Variants in NMU observed in about 807,000 individuals in gnomAD.
NMU encodes neuromedin U.
A neutral mutation model predicts 35.4 loss-of-function variants in NMU; 29 were observed. The ratio of observed to expected loss-of-function variants is 0.82; its 90% CI spans 0.61 to 1.12. The LOEUF (loss-of-function observed/expected upper bound fraction) is 1.12, where lower values mean the gene tolerates loss of function less well. NMU is among the 50% of genes most tolerant of loss of function. The probability of loss-of-function intolerance (pLI) is 0.00; values close to 1 mark genes in which losing one functional copy is unlikely to be tolerated. For missense variants in NMU, 199 were observed against 206.2 expected (o/e 0.97, Z 0.21); for synonymous variants, 78 against 81.3 (o/e 0.96, Z 0.22).
At chr4:55,628,481 C>CATT (rs111899620) in intron 2 of NMU, among the ~76,000 whole-genome samples, 277 of 150,328 alleles carry the variant, frequency 1.8e-3, no homozygotes, top group African/African-American at 2.8e-3. Flanking sequence ...TTATTTCTGC[C>CATT]ATTATTATTA....
intron 1 of NMU, among the ~76,000 whole-genome samples, chr4:55,630,762 A>C (rs1734721941): frequency 6.6e-6 from 1 of 152,192 alleles, no homozygotes; most frequent in South Asian, 2.1e-4. Flanking sequence ...TGCCCAAAGC[A>C]ATCTACAGAT....
intron 7 of NMU, among the ~76,000 whole-genome samples, chr4:55,602,427 A>G (rs1486231987): frequency 4.6e-5 from 7 of 152,178 alleles, no homozygotes; most frequent in Non-Finnish European, 7.3e-5. Flanking sequence ...GCTGCAAAAT[A>G]CCCTTAAGAT....
At chr4:55,596,678 C>A (rs12510341) in intron 9 of NMU, among the ~76,000 whole-genome samples, 1 of 152,108 alleles carries the variant, frequency 6.6e-6, no homozygotes, top group South Asian at 2.1e-4. Context: ...ACACAGTCTG[C>A]AAATTCAAGT....
chr4:55,599,066 G>C, intron 9 of NMU, 76 bp downstream of exon 9: 1 of 962,628 alleles, frequency 1.0e-6, no homozygotes, highest in Admixed American at 2.0e-5. Context: ...GAAAACAACA[G>C]CAAATGTCAA....
intron 3 of NMU, 137 bp downstream of exon 3, chr4:55,616,201 T>C (rs1479042437): frequency 4.3e-6 from 3 of 703,606 alleles, no homozygotes; most frequent in Middle Eastern, 2.4e-4. Context: ...TATTGATTAT[T>C]ATCTACAGCA....
chr4:55,635,935 G>A lies in NMU; in HGVS notation c.112+146C>T, dbSNP rs530687007. 8.6e-5 allele frequency: 123 copies of A among 1,425,772 alleles called. No homozygotes were observed. The African/African-American group carries it at 1.6e-3, about 18-fold the overall frequency. The allele number at this position is 1,425,772 out of a possible 1,614,324, so 88.3% of individuals were successfully genotyped here. A position where few individuals can be genotyped will look rare whatever the true frequency, so the allele number is the denominator to read the frequency against. ...CTGGGGAGGCGACCTGTGCCTGGGA[G>A]GCGGGAAACCCCGCGGCACCAGAGA... On this transcript the variant is annotated intron_variant, in intron 1 of 9. Transcript: ENST00000264218.
At chr4:55,615,998 C>T (rs2110200060) in intron 3 of NMU, among the ~76,000 whole-genome samples, 1 of 152,334 alleles carries the variant, frequency 6.6e-6, no homozygotes, top group East Asian at 1.9e-4. Context: ...ATCCTCCCAC[C>T]TGGGCCTCTC....
At chr4:55,614,112 C>T (rs1734030187) in intron 3 of NMU, among the ~76,000 whole-genome samples, 1 of 152,038 alleles carries the variant, frequency 6.6e-6, no homozygotes, top group South Asian at 2.1e-4. Context: ...TATATAATTT[C>T]TTTCATTTCT....
intron 3 of NMU, among the ~76,000 whole-genome samples, chr4:55,613,253 A>G (rs1046707541): frequency 1.3e-5 from 2 of 152,128 alleles, no homozygotes; most frequent in Non-Finnish European, 2.9e-5. Flanking sequence ...AACCTCCACA[A>G]CACACTTTAA....
At chr4:55,619,033 C>T (rs1734247220) in intron 2 of NMU, among the ~76,000 whole-genome samples, 2 of 151,960 alleles carry the variant, frequency 1.3e-5, no homozygotes, top group African/African-American at 4.8e-5. Context: ...CCATGCCTGG[C>T]TTATTTTTTA....
At chr4:55,605,148 G>T in intron 7 of NMU, 127 bp downstream of exon 7, 1 of 756,332 alleles carries the variant, frequency 1.3e-6, no homozygotes, top group Non-Finnish European at 2.4e-6. Flanking sequence ...TCTTACATTG[G>T]CTAACTGGGT....
chr4:55,599,326 A>G, intron 8 of NMU, 145 bp from the exon 9 acceptor site: 1 of 655,590 alleles, frequency 1.5e-6, no homozygotes, highest in Non-Finnish European at 2.8e-6. Context: ...GCTGGACCCC[A>G]TAGCCAGAAT....
intron 2 of NMU, among the ~76,000 whole-genome samples, chr4:55,627,273 T>A (rs979595826): frequency 1.1e-4 from 17 of 152,154 alleles, no homozygotes; most frequent in Admixed American, 7.2e-4. Flanking sequence ...TTACTGCAGT[T>A]TTTATACTAT....
At chr4:55,636,437 A>C, upstream of NMU, 2 of 496,504 alleles carry the variant, frequency 4.0e-6, no homozygotes, top group African/African-American at 2.0e-5. This position sits in a 1 kb window ranked among gnomAD's most constrained non-coding sequence, Gnocchi z 4.0. Context: ...CCCGCGCCCC[A>C]CCCTGCAGCA....
At chr4:55,626,913 C>G (rs1734554594) in intron 2 of NMU, among the ~76,000 whole-genome samples, 2 of 152,160 alleles carry the variant, frequency 1.3e-5, no homozygotes, top group Admixed American at 6.5e-5. Flanking sequence ...AGATATTGCC[C>G]TATATGATTT....
intron 2 of NMU, among the ~76,000 whole-genome samples, chr4:55,618,763 TC>T: frequency 1.6e-5 from 1 of 62,780 alleles, no homozygotes; most frequent in Non-Finnish European, 3.4e-5. Context: ...CTTTCTTCTC[TC>T]TCTTTCTTCT....
intron 3 of NMU, among the ~76,000 whole-genome samples, chr4:55,613,678 A>C (rs1489115959): frequency 6.6e-6 from 1 of 151,920 alleles, no homozygotes; most frequent in Non-Finnish European, 1.5e-5. Flanking sequence ...CCCCACATTG[A>C]CTCTTTGTCT....
At chr4:55,618,536 T>G (rs1734201606) in intron 2 of NMU, among the ~76,000 whole-genome samples, 1 of 152,214 alleles carries the variant, frequency 6.6e-6, no homozygotes, top group Non-Finnish European at 1.5e-5. Context: ...GCAGAAAAAT[T>G]AACTATATGT....
intron 1 of NMU, among the ~76,000 whole-genome samples, chr4:55,634,861 G>A (rs904779280): frequency 6.6e-6 from 1 of 151,834 alleles, no homozygotes; most frequent in African/African-American, 2.4e-5. Flanking sequence ...TTTCAAGTAG[G>A]GGAGTCTCTC....
Sources: allele counts gnomAD v4.1 joint callset (sites outside exome capture counted in the v4.1 genomes callset), GRCh38; gene constraint gnomAD v4.1.1; non-coding constraint Gnocchi (gnomAD v3.1); transcripts MANE v1.5; gene names NCBI Gene and HGNC (gene_info 2026-07-23, HGNC 2026-07-21).